RAC1: variants seen among roughly 807,000 people sequenced by gnomAD.
RAC1 encodes the protein Rac family small GTPase 1, also known as ras-related C3 botulinum toxin substrate 1.
A neutral mutation model predicts 25.2 loss-of-function variants in RAC1; 2 were observed. The observed-to-expected ratio is 0.08, with a 90% CI of 0.03 to 0.25. RAC1 has a LOEUF of 0.25. Ranked by LOEUF, RAC1 falls within the 10% of genes least tolerant of loss-of-function variation. RAC1 has a pLI of 1.00. For synonymous variants in RAC1, 88 were observed against 94.0 expected (o/e 0.94, Z 0.37); for missense variants, 50 against 235.7 (o/e 0.21, Z 5.16).
At chr7:6,382,596 G>A (rs929932860) in intron 1 of RAC1, among the ~76,000 whole-genome samples, 1 of 152,204 alleles carries the variant, frequency 6.6e-6, no homozygotes, top group Non-Finnish European at 1.5e-5. Flanking sequence ...GGGCGTGGTG[G>A]CTCACGCCTG....
chr7:6,377,561 C>G (rs1562460291), intron 1 of RAC1, among the ~76,000 whole-genome samples: 1 of 152,134 alleles, frequency 6.6e-6, no homozygotes, highest in Non-Finnish European at 1.5e-5. Flanking sequence ...TGCCATTGCA[C>G]TCCAGCCCGT....
intron 1 of RAC1, among the ~76,000 whole-genome samples, chr7:6,381,897 C>T (rs1005632343): frequency 2.0e-5 from 3 of 152,134 alleles, no homozygotes; most frequent in Non-Finnish European, 2.9e-5. Flanking sequence ...CAGTGTAAAT[C>T]GAGGACCTTC....
At chr7:6,390,095 C>CTTTTTTT (rs1783048671) in intron 2 of RAC1, among the ~76,000 whole-genome samples, 1 of 58,428 alleles carries the variant, frequency 1.7e-5, no homozygotes, top group African/African-American at 1.1e-4. Flanking sequence ...TCCCTCCCTC[C>CTTTTTTT]CTTTTTTTTT....
intron 1 of RAC1, among the ~76,000 whole-genome samples, chr7:6,383,075 C>T (rs1470773828): frequency 3.3e-5 from 5 of 152,182 alleles, no homozygotes; most frequent in Non-Finnish European, 7.3e-5. Context: ...AGAGTGATGA[C>T]ATTGCTCGAT....
At chr7:6,377,084 A>G (rs543825168) in intron 1 of RAC1, among the ~76,000 whole-genome samples, 2 of 152,164 alleles carry the variant, frequency 1.3e-5, no homozygotes, top group East Asian at 3.9e-4. Context: ...ACTACCTCGC[A>G]GGTGCCCCTT....
chr7:6,396,886 C>T (rs1372907764), intron 3 of RAC1, among the ~76,000 whole-genome samples: 2 of 151,836 alleles, frequency 1.3e-5, no homozygotes, highest in Non-Finnish European at 2.9e-5. Flanking sequence ...AAAAATTAGC[C>T]GGGCGTGGTG....
chr7:6,375,682 T>TTA (rs1562459286), intron 1 of RAC1, among the ~76,000 whole-genome samples: 1 of 150,978 alleles, frequency 6.6e-6, no homozygotes, highest in Non-Finnish European at 1.5e-5. Context: ...TTTTTTTTTT[T>TTA]AAACAACGTG....
rs780310697 is a variant in RAC1, at chr7:6,386,996, ACT to A, written c.36-213_36-212del. Among the ~76,000 whole-genome samples, 51 of 130,566 alleles carry A rather than the reference ACT, an allele frequency of 3.9e-4. 2 individuals are homozygous for A. The highest frequency in any genetic ancestry group is 3.5e-3 in the Middle Eastern group (1 of 284). 85.7% of individuals were successfully genotyped at this position (130,566 alleles called of 152,430 possible). A position where few individuals can be genotyped will look rare whatever the true frequency, so the allele number is the denominator to read the frequency against. On this transcript the variant is annotated intron_variant, in intron 1 of 5. Coordinates refer to ENST00000348035, the MANE Select transcript of RAC1 (RefSeq NM_006908.5). Reference sequence around the variant, plus strand: ...CCTAAACAGAATGTGATGGCTCCTGACTCTATCTTTCTGAGAAATTCTAGTTT... The same window carrying A: ...CCTAAACAGAATGTGATGGCTCCTGACTATCTTTCTGAGAAATTCTAGTTT...
At chr7:6,378,983 G>A (rs751602004) in intron 1 of RAC1, among the ~76,000 whole-genome samples, 3 of 151,912 alleles carry the variant, frequency 2.0e-5, no homozygotes, top group African/African-American at 7.2e-5. Context: ...CTAGCTACTC[G>A]GGAGGCTGAG....
At chr7:6,382,046 T>C (rs1033731545) in intron 1 of RAC1, among the ~76,000 whole-genome samples, 1 of 152,072 alleles carries the variant, frequency 6.6e-6, no homozygotes, top group Admixed American at 6.6e-5. Context: ...CAGGCTGGAG[T>C]GCAGTGATGC....
intron 5 of RAC1, 33 bp from the exon 6 acceptor site, chr7:6,402,283 G>A (rs1783423849): frequency 6.3e-7 from 1 of 1,576,768 alleles, no homozygotes; most frequent in Non-Finnish European, 8.6e-7. Context: ...GTGGGGTCGA[G>A]TGTACATTGC....
intron 3 of RAC1, among the ~76,000 whole-genome samples, chr7:6,393,888 A>G (rs1029008832): frequency 6.6e-6 from 1 of 152,200 alleles, no homozygotes. Flanking sequence ...TTGACAACTC[A>G]GGGGCAGGCC....
At chr7:6,400,476 T>A (rs1414214329) in intron 4 of RAC1, among the ~76,000 whole-genome samples, 1 of 151,904 alleles carries the variant, frequency 6.6e-6, no homozygotes, top group Non-Finnish European at 1.5e-5. Flanking sequence ...ACCATAAATG[T>A]GCACCACCAT....
intron 3 of RAC1, among the ~76,000 whole-genome samples, chr7:6,393,531 G>C (rs1308438796): frequency 6.6e-6 from 1 of 152,136 alleles, no homozygotes; most frequent in African/African-American, 2.4e-5. Flanking sequence ...TTTGTGTTCT[G>C]AGGAACACAC....
chr7:6,390,681 A>G (rs1023562578), intron 2 of RAC1, among the ~76,000 whole-genome samples: 2 of 152,068 alleles, frequency 1.3e-5, no homozygotes, highest in Non-Finnish European at 1.5e-5. Context: ...TCCTACTTAA[A>G]TAATGCAAAA....
At chr7:6,386,788 C>CAAAAAAAAAAAAAAAAAA (rs71008388) in intron 1 of RAC1, among the ~76,000 whole-genome samples, 1 of 88,196 alleles carries the variant, frequency 1.1e-5, no homozygotes, top group African/African-American at 4.4e-5. Flanking sequence ...GACTCGGTCT[C>CAAAAAAAAAAAAAAAAAA]AAAAAAAAAA....
At chr7:6,398,677 G>T in intron 3 of RAC1, 2 of 1,613,806 alleles carry the variant, frequency 1.2e-6, no homozygotes, top group Non-Finnish European at 1.7e-6. Flanking sequence ...AGAAACGTAC[G>T]GTAAGGATAT....
At position 6,402,708 on chromosome 7, in the gene RAC1, C is replaced by G; in HGVS notation, c.*262C>G. The G allele has an allele frequency of 3.1e-6, 1 of 319,402 alleles. No homozygotes were observed. The highest frequency in any genetic ancestry group is 7.9e-5 in the South Asian group (1 of 12,686). The allele number at this position is 319,402 out of a possible 1,614,324, so 19.8% of individuals were successfully genotyped here. ...CCTAAAATGACAAGCCTTCTTAAAG[C>G]CTTATTTTTCAAAAGCGCCCCCCCC... On this transcript the variant is annotated 3_prime_UTR_variant, in exon 6 of 6. Coordinates refer to ENST00000348035, the MANE Select transcript of RAC1 (RefSeq NM_006908.5).
intron 4 of RAC1, among the ~76,000 whole-genome samples, 169 bp downstream of exon 4, chr7:6,400,357 C>T (rs1783362643): frequency 1.3e-5 from 2 of 151,506 alleles, no homozygotes; most frequent in Admixed American, 1.3e-4. Context: ...ACGGAGGTCT[C>T]ACTCTGTTGT....
Sources: gnomAD v4.1 joint callset for allele counts (sites outside exome capture counted in the v4.1 genomes callset) on GRCh38, gnomAD v4.1.1 for gene constraint, MANE v1.5 for transcripts, NCBI Gene and HGNC (gene_info 2026-07-23, HGNC 2026-07-21) for gene names.